The following RBFOX1 variants were observed in gnomAD, a reference collection of about 807,000 sequenced individuals.
RBFOX1 encodes the protein RNA binding fox-1 homolog 1, also known as RNA binding protein fox-1 homolog 1.
RBFOX1 carries 8 observed loss-of-function variants against 57.7 expected under a neutral mutation model. The ratio of observed to expected loss-of-function variants is 0.14; its 90% confidence interval spans 0.08 to 0.25. The LOEUF (loss-of-function observed/expected upper bound fraction) is 0.25. Ranked by LOEUF, RBFOX1 falls within the 10% of genes least tolerant of loss-of-function variation. RBFOX1 has a pLI of 1.00. For missense variants in RBFOX1, 611 were observed against 548.5 expected, an observed-to-expected ratio of 1.11 and a Z score of -1.14; for synonymous variants, 326 against 222.4, an observed-to-expected ratio of 1.47 and a Z score of -4.15.
chr16:7,007,181 C>T (rs763925657), intron 3 of RBFOX1, among the ~76,000 whole-genome samples: 2 of 152,200 alleles, frequency 1.3e-5, no homozygotes, highest in Non-Finnish European at 2.9e-5. Context: ...TTCCTTGCAG[C>T]TGTAAAGCTG....
At chr16:5,402,378 A>G (rs1222636146) in intron 1 of RBFOX1, among the ~76,000 whole-genome samples, 2 of 152,100 alleles carry the variant, frequency 1.3e-5, no homozygotes, top group Non-Finnish European at 2.9e-5. Flanking sequence ...AGCCTTGTGG[A>G]TGGGTGGAGA....
At chr16:7,682,484 G>A (rs1223248031) in intron 14 of RBFOX1, among the ~76,000 whole-genome samples, 3 of 117,302 alleles carry the variant, frequency 2.6e-5, no homozygotes, top group East Asian at 2.0e-4. Flanking sequence ...TGGCAAATAA[G>A]CCAAAGTCAT....
intron 1 of RBFOX1, among the ~76,000 whole-genome samples, chr16:6,185,853 T>C (rs2152800786): frequency 6.6e-6 from 1 of 152,308 alleles, no homozygotes; most frequent in East Asian, 1.9e-4. Context: ...TGGATCTTCT[T>C]TCCTTGACAT....
At chr16:7,292,546 A>ACG (rs1349394688) in intron 4 of RBFOX1, among the ~76,000 whole-genome samples, 1 of 147,924 alleles carries the variant, frequency 6.8e-6, no homozygotes, top group Non-Finnish European at 1.5e-5. Context: ...ACACACACAC[A>ACG]CACACACAAA....
intron 2 of RBFOX1, among the ~76,000 whole-genome samples, chr16:6,556,799 C>G (rs901122505): frequency 4.0e-5 from 6 of 151,856 alleles, no homozygotes; most frequent in African/African-American, 1.5e-4. Context: ...CCTGAAGAGG[C>G]TCATGTGACT....
At chr16:5,811,349 G>A (rs2151778786) in intron 3 of RBFOX1, among the ~76,000 whole-genome samples, 1 of 151,850 alleles carries the variant, frequency 6.6e-6, no homozygotes, top group Non-Finnish European at 1.5e-5. Flanking sequence ...CCCTATGTTA[G>A]CCAGGCTGGT....
chr16:7,354,735 A>G (rs2097185087), intron 4 of RBFOX1, among the ~76,000 whole-genome samples: 1 of 152,186 alleles, frequency 6.6e-6, no homozygotes, highest in Non-Finnish European at 1.5e-5. Context: ...ACGTGTCTCT[A>G]TTTAAATTTA....
chr16:6,881,419 A>T (rs1012507830), intron 3 of RBFOX1, among the ~76,000 whole-genome samples: 1 of 152,128 alleles, frequency 6.6e-6, no homozygotes, highest in Non-Finnish European at 1.5e-5. Context: ...TGTTGGCAAG[A>T]TTGGTTCCTT....
At chr16:6,192,061 A>G (rs62016020) in intron 1 of RBFOX1, among the ~76,000 whole-genome samples, 54,257 of 152,024 alleles carry the variant, frequency 0.36, 9,971 homozygotes, top group South Asian at 0.46. Flanking sequence ...AATTTTCAGG[A>G]CTAAGGAATT....
At chr16:6,617,301 T>C (rs1259750109) in intron 2 of RBFOX1, among the ~76,000 whole-genome samples, 2 of 151,986 alleles carry the variant, frequency 1.3e-5, no homozygotes, top group Non-Finnish European at 2.9e-5. Flanking sequence ...TCTTCCTGCT[T>C]GGAGGTCTAC....
chr16:7,060,057 G>A (rs918752503), intron 4 of RBFOX1, among the ~76,000 whole-genome samples: 1 of 152,102 alleles, frequency 6.6e-6, no homozygotes, highest in Non-Finnish European at 1.5e-5. Context: ...AATGTGTCTT[G>A]ACATTCTCAT....
At chr16:6,216,572 G>C (rs569954709) in intron 1 of RBFOX1, among the ~76,000 whole-genome samples, 10 of 152,158 alleles carry the variant, frequency 6.6e-5, no homozygotes, top group African/African-American at 2.4e-4. Context: ...TTCAGCCTTC[G>C]AGTGAGCAAA....
At chr16:7,648,509 C>A (rs919203846) in intron 11 of RBFOX1, among the ~76,000 whole-genome samples, 2 of 152,174 alleles carry the variant, frequency 1.3e-5, no homozygotes, top group East Asian at 3.8e-4. Context: ...AGGTGTGAGA[C>A]ACTGTGCCTG....
Position 6,527,198 on chromosome 16 carries a change from C to T in RBFOX1, c.-63-127405C>T, listed in dbSNP as rs115932470. ...AGGGAAAAAGTAAGTCTCCTATCTA[C>T]CTATGATCTCTGACTCCACATTTCC... On this transcript the variant is annotated intron_variant, in intron 2 of 15. Transcript: ENST00000550418. Among the ~76,000 whole-genome samples, 610 of 152,218 alleles carry T rather than the reference C, an allele frequency of 4.0e-3. 5 individuals are homozygous for T. The highest frequency in any genetic ancestry group is 0.014 in the African/African-American group (573 of 41,522).
intron 13 of RBFOX1, among the ~76,000 whole-genome samples, chr16:7,667,790 C>T (rs527669274): frequency 6.6e-6 from 1 of 152,264 alleles, no homozygotes; most frequent in South Asian, 2.1e-4. Flanking sequence ...TCTCCTGCCT[C>T]AGCTTCCTGA....
chr16:5,830,000 C>G (rs1421099182), intron 3 of RBFOX1, among the ~76,000 whole-genome samples: 1 of 152,152 alleles, frequency 6.6e-6, no homozygotes, highest in Admixed American at 6.5e-5. Context: ...TGCTTCCAGT[C>G]TCTTCGTTTG....
intron 2 of RBFOX1, among the ~76,000 whole-genome samples, chr16:6,421,273 C>G (rs2093764835): frequency 6.6e-6 from 1 of 152,204 alleles, no homozygotes; most frequent in South Asian, 2.1e-4. Flanking sequence ...TCTGGAGCCG[C>G]TCTCTATGGG....
intron 4 of RBFOX1, among the ~76,000 whole-genome samples, chr16:7,171,393 G>T (rs912850378): frequency 2.0e-5 from 3 of 152,128 alleles, no homozygotes; most frequent in Admixed American, 2.0e-4. Flanking sequence ...ATGAATTCCT[G>T]CCACCGCTAA....
intron 1 of RBFOX1, among the ~76,000 whole-genome samples, chr16:6,040,429 AAGTATCTC>A (rs2095423528): frequency 6.6e-6 from 1 of 152,072 alleles, no homozygotes; most frequent in East Asian, 1.9e-4. Flanking sequence ...AACTACTCTT[AAGTATCTC>A]AAATAAGTGG....
Sources: gnomAD v4.1 joint callset for allele counts (sites outside exome capture counted in the v4.1 genomes callset) on GRCh38, gnomAD v4.1.1 for gene constraint, MANE v1.5 for transcripts, NCBI Gene and HGNC (gene_info 2026-07-23, HGNC 2026-07-21) for gene names.